CPXM2: variants seen among roughly 807,000 people sequenced by gnomAD.
CPXM2 encodes the protein inactive carboxypeptidase-like protein X2.
In CPXM2, 66 loss-of-function variants were observed where a neutral mutation model predicts 86.1. The ratio of observed to expected loss-of-function variants is 0.77; its 90% CI spans 0.63 to 0.94. CPXM2 has a LOEUF of 0.94. CPXM2 is among the 40% of genes least tolerant of loss of function. CPXM2 has a pLI of 0.00. For synonymous variants in CPXM2, 388 were observed against 400.2 expected (o/e 0.97, Z 0.36); for missense variants, 948 against 1,026.3 (o/e 0.92, Z 1.04).
At chr10:123,895,369 C>T (rs1945328907), upstream of CPXM2, among the ~76,000 whole-genome samples, 1 of 152,094 alleles carries the variant, frequency 6.6e-6, no homozygotes, top group Non-Finnish European at 1.5e-5. Context: ...GGTGATCCAC[C>T]CGCCTTGGCC....
chr10:123,768,820 A>G (rs773241060), intron 8 of CPXM2, 98 bp from the exon 9 acceptor site: 24 of 1,070,018 alleles, frequency 2.2e-5, no homozygotes, highest in Non-Finnish European at 3.3e-5. Context: ...CTTGAATAAT[A>G]TAAGCTTACC....
chr10:123,867,365 G>T (rs1944807817), intron 2 of CPXM2, among the ~76,000 whole-genome samples: 2 of 151,916 alleles, frequency 1.3e-5, no homozygotes, highest in African/African-American at 4.8e-5. Context: ...ATAAAAGACA[G>T]GAAAATTATC....
chr10:123,880,145 T>TTGGGGGGCCCCCCCCC, intron 2 of CPXM2, 66 bp downstream of exon 2: 1 of 407,580 alleles, frequency 2.5e-6, no homozygotes, highest in Non-Finnish European at 4.8e-6. Context: ...CAGGGGCCTG[T>TTGGGGGGCCCCCCCCC]ACCCACCCAC....
chr10:123,938,561 C>T (rs1213238171), intron 2 of CPXM2, among the ~76,000 whole-genome samples: 1 of 152,160 alleles, frequency 6.6e-6, no homozygotes, highest in African/African-American at 2.4e-5. Flanking sequence ...AGCTCATTGG[C>T]CTGCACTCTG....
chr10:123,794,635 T>C (rs1483744721), intron 6 of CPXM2, among the ~76,000 whole-genome samples: 2 of 152,196 alleles, frequency 1.3e-5, no homozygotes, highest in Non-Finnish European at 2.9e-5. Flanking sequence ...AGATATTCAG[T>C]GCAAAATGGA....
intron 4 of CPXM2, among the ~76,000 whole-genome samples, chr10:123,829,494 C>T (rs767745277): frequency 1.2e-4 from 18 of 151,556 alleles, no homozygotes; most frequent in Admixed American, 3.3e-4. Flanking sequence ...CAAAATTAAA[C>T]ACAAACAGTA....
chr10:123,904,912 A>ATCTGCATCCTGTGACCTCCCCCCCCCC (rs1184917723), intron 2 of CPXM2, among the ~76,000 whole-genome samples: 4 of 131,662 alleles, frequency 3.0e-5, no homozygotes, highest in East Asian at 2.1e-4. Context: ...GCTCTGCATC[A>ATCTGCATCCTGTGACCTCCCCCCCCCC]CACCTGCATC....
In CPXM2 at chr10:123,796,724, C is replaced by T. The variant is rs372500550; in HGVS notation, c.889+1252G>A. 3.3e-5 allele frequency among the ~76,000 whole-genome samples: 5 copies of T among 152,320 alleles called. No individual in the cohort carries two copies. In the East Asian group the frequency reaches 9.6e-4, roughly 29 times the overall value. ...TACAGAAATAGCATCAGAGCTGGTA[C>T]CCTGCCCCAGGCAGTGCTGGAAGGG... On this transcript the variant is annotated intron_variant, in intron 6 of 13. Coordinates refer to ENST00000241305, the MANE Select transcript of CPXM2 (RefSeq NM_198148.3).
chr10:123,796,333 C>A (rs1847334674), intron 6 of CPXM2, among the ~76,000 whole-genome samples: 1 of 152,276 alleles, frequency 6.6e-6, no homozygotes, highest in Non-Finnish European at 1.5e-5. Context: ...TTTACAGAAT[C>A]CAGTGATTAG....
intron 10 of CPXM2, among the ~76,000 whole-genome samples, chr10:123,762,630 T>C (rs1846372952): frequency 6.6e-6 from 1 of 152,144 alleles, no homozygotes; most frequent in South Asian, 2.1e-4. Flanking sequence ...AGGAACTGGT[T>C]AAGTGTCAGA....
At position 123,755,096 on chromosome 10, in the gene CPXM2, C is replaced by G. The variant is rs112160187; in HGVS notation, c.1918-334G>C. Among the ~76,000 whole-genome samples the G allele has an allele frequency of 1.9e-4, 29 of 152,322 alleles. 1 individual carries two copies. The highest frequency in any genetic ancestry group is 6.7e-4 in the African/African-American group (28 of 41,572). ...GGAGGGGGCTAGTGAGCAAGGGCAGCGGTCCCCCTGCTAGCCTGGTGTCTT... is the reference window on the plus strand; with the variant it reads ...GGAGGGGGCTAGTGAGCAAGGGCAGGGGTCCCCCTGCTAGCCTGGTGTCTT... On this transcript the variant is annotated intron_variant, in intron 12 of 13. Transcript: ENST00000241305.
chr10:123,917,751 T>C lies in CPXM2; in HGVS notation n.174+21726A>G, dbSNP rs80300280. On this transcript the variant is annotated intron_variant and non_coding_transcript_variant, in intron 2 of 19. Transcript: ENST00000368854. The stretch of plus-strand genomic sequence containing the variant: ...GCTTTCGTACAGTCTCATTTATACC[T>C]CTCAGCCAGCTTTTCAGGACTGAGA... Among the ~76,000 whole-genome samples the C allele has an allele frequency of 3.4e-3, 511 of 152,324 alleles. 4 individuals are homozygous for C. The highest frequency in any genetic ancestry group is 0.011 in the African/African-American group (476 of 41,562).
rs1189448793 is a variant in CPXM2 at position 123,939,085 on chromosome 10, C to T, written n.174+392G>A. ...TGGATACCATGTCAGGGACATAAAG[C>T]CACGAGAAGTGTATCTGCAGAGCCA... On this transcript the variant is annotated intron_variant and non_coding_transcript_variant, in intron 2 of 19. Coordinates refer to the CPXM2 transcript ENST00000368854. Among the ~76,000 whole-genome samples the T allele has an allele frequency of 9.2e-5, 14 of 152,162 alleles. No individual in the cohort carries two copies. In the East Asian group the frequency reaches 2.7e-3, roughly 29 times the overall value.
At chr10:123,879,841 T>C (rs116634712) in intron 2 of CPXM2, among the ~76,000 whole-genome samples, 46 of 152,048 alleles carry the variant, frequency 3.0e-4, no homozygotes, top group African/African-American at 1.0e-3. Flanking sequence ...CTGGGTCAGG[T>C]TGGGAGATAA....
At position 123,903,220 on chromosome 10, in the gene CPXM2, C is replaced by A. The variant is rs183569817; in HGVS notation, n.175-22911G>T. Among the ~76,000 whole-genome samples the A allele has an allele frequency of 1.4e-3, 216 of 152,316 alleles. 1 individual carries two copies. The highest frequency in any genetic ancestry group is 5.5e-3 in the Admixed American group (84 of 15,306). ...GCCATAGGACACAGAGTACCTTGTC[C>A]TGGGCCTAGGCCACAGAGGGATCCC... On this transcript the variant is annotated intron_variant and non_coding_transcript_variant, in intron 2 of 19. Coordinates refer to the CPXM2 transcript ENST00000368854.
chr10:123,923,185 G>A (rs1945590892), intron 2 of CPXM2, among the ~76,000 whole-genome samples: 2 of 152,080 alleles, frequency 1.3e-5, no homozygotes, highest in African/African-American at 4.8e-5. Context: ...TGATGTCGTG[G>A]AAAAGAAAAA....
chr10:123,921,732 T>A (rs920536851), intron 2 of CPXM2, among the ~76,000 whole-genome samples: 1 of 152,216 alleles, frequency 6.6e-6, no homozygotes, highest in Non-Finnish European at 1.5e-5. Context: ...ACATGTGCCA[T>A]TGTTAGCCTG....
intron 4 of CPXM2, among the ~76,000 whole-genome samples, chr10:123,817,445 G>A (rs1239463885): frequency 6.6e-6 from 1 of 152,146 alleles, no homozygotes; most frequent in Non-Finnish European, 1.5e-5. Context: ...GACAGCACTT[G>A]GCCTGTTACT....
At chr10:123,794,734 CGTGTGTGT>C (rs142855432) in intron 6 of CPXM2, among the ~76,000 whole-genome samples, 300 of 141,326 alleles carry the variant, frequency 2.1e-3, no homozygotes, top group African/African-American at 7.6e-3. Context: ...TATTTAAGAC[CGTGTGTGT>C]GTGTGTGTGT....
Sources: allele counts gnomAD v4.1 joint callset (sites outside exome capture counted in the v4.1 genomes callset), GRCh38; gene constraint gnomAD v4.1.1; transcripts MANE v1.5; gene names NCBI Gene and HGNC (gene_info 2026-07-23, HGNC 2026-07-21).